Variants in CCSER2 observed in about 807,000 individuals in gnomAD.
The protein encoded by CCSER2 is serine-rich coiled-coil domain-containing protein 2.
Under a neutral mutation model 92.3 loss-of-function variants are expected in CCSER2, and 46 were observed. That is an observed-to-expected ratio of 0.50 (90% CI 0.39 to 0.64). CCSER2 has a LOEUF of 0.64. CCSER2 is among the 30% of genes least tolerant of loss of function. The probability of loss-of-function intolerance (pLI) is 0.00; values close to 1 mark genes in which losing one functional copy is unlikely to be tolerated. For missense variants in CCSER2, 1,244 were observed against 1,238.9 expected, an observed-to-expected ratio of 1.00 and a Z score of -0.06; for synonymous variants, 433 against 431.4, an observed-to-expected ratio of 1.00 and a Z score of -0.04.
At chr10:84,402,857 C>T (rs1326204751) in intron 3 of CCSER2, among the ~76,000 whole-genome samples, 2 of 152,128 alleles carry the variant, frequency 1.3e-5, no homozygotes, top group Non-Finnish European at 2.9e-5. Context: ...ACGTGGAAGA[C>T]TCAACATATT....
At chr10:84,501,601 G>C (rs4934022) in intron 9 of CCSER2, among the ~76,000 whole-genome samples, 7,017 of 150,616 alleles carry the variant, frequency 0.047, 238 homozygotes, top group East Asian at 0.16. Flanking sequence ...TTGATTCAGT[G>C]GCTCTCCATT....
At chr10:84,500,054 T>C in intron 9 of CCSER2, 1 of 1,565,360 alleles carries the variant, frequency 6.4e-7, no homozygotes, top group Non-Finnish European at 8.7e-7. Context: ...CCTCCTTTTC[T>C]ATCCTGAGTG....
chr10:84,329,178 ATTTT>A (rs926932500), intron 1 of CCSER2, among the ~76,000 whole-genome samples: 2 of 150,316 alleles, frequency 1.3e-5, no homozygotes, highest in African/African-American at 2.4e-5. Flanking sequence ...AATGAGTTCG[ATTTT>A]TTTTTTCTTT....
At chr10:84,491,506 A>AG in intron 9 of CCSER2, among the ~76,000 whole-genome samples, 1 of 152,306 alleles carries the variant, frequency 6.6e-6, no homozygotes, top group East Asian at 1.9e-4. Flanking sequence ...GCTAGCAATG[A>AG]GGGAGGATCC....
intron 3 of CCSER2, chr10:84,393,906 G>C (rs1841672552): frequency 6.6e-6 from 1 of 152,168 alleles, no homozygotes; most frequent in Non-Finnish European, 1.5e-5. Context: ...CCTAATGTAG[G>C]TAAATAGAAA....
At chr10:84,418,815 A>G (rs898142480) in intron 4 of CCSER2, among the ~76,000 whole-genome samples, 3 of 152,158 alleles carry the variant, frequency 2.0e-5, no homozygotes, top group South Asian at 4.1e-4. Flanking sequence ...TTCAAAATAA[A>G]CGTGTATTTT....
chr10:84,446,925 G>T (rs1844955221), intron 6 of CCSER2, among the ~76,000 whole-genome samples: 1 of 151,248 alleles, frequency 6.6e-6, no homozygotes, highest in Admixed American at 6.6e-5. Flanking sequence ...TTCATGTTTG[G>T]CTCTACTTCA....
At chr10:84,370,818 A>T (rs886544757) in intron 1 of CCSER2, among the ~76,000 whole-genome samples, 196 bp from the exon 2 acceptor site, 4 of 152,164 alleles carry the variant, frequency 2.6e-5, no homozygotes, top group Non-Finnish European at 2.9e-5. Context: ...AAGTTTATAA[A>T]AATGTTCTTT....
intron 6 of CCSER2, among the ~76,000 whole-genome samples, chr10:84,444,727 G>T (rs1161188418): frequency 2.0e-5 from 3 of 152,122 alleles, no homozygotes; most frequent in Non-Finnish European, 4.4e-5. Context: ...AAATAGTACT[G>T]TTTAAGAGTT....
rs1167460274 is a variant in CCSER2, at chr10:84,501,834, A to AAAATATATAT, written c.2326-11614_2326-11613insAATATATATA. On this transcript the variant is annotated intron_variant, in intron 9 of 9. Transcript: ENST00000372088. ...TTAGTCATCTAGGGAAAAAAAAAAA[A>AAAATATATAT]ATATATATATATATATATATATATA... Among the ~76,000 whole-genome samples the AAAATATATAT allele has an allele frequency of 8.5e-4, 34 of 40,088 alleles. 1 individual carries two copies. Among genetic ancestry groups the AAAATATATAT allele is most frequent in the Non-Finnish European group, 2.0e-3 (25 of 12,234 alleles). 26.3% of individuals were successfully genotyped at this position (40,088 alleles called of 152,430 possible). A position where few individuals can be genotyped will look rare whatever the true frequency, so the allele number is the denominator to read the frequency against.
In CCSER2 at chr10:84,475,002, C is replaced by T. The variant is rs561790137; in HGVS notation, c.2236-2573C>T. The stretch of plus-strand genomic sequence containing the variant: ...ATCAGCTTTTTTGGAATCCTGTTGG[C>T]TGTCCATTCATGGTCACAAGATGTC... On this transcript the variant is annotated intron_variant, in intron 8 of 9. Coordinates refer to ENST00000372088, the MANE Select transcript of CCSER2 (RefSeq NM_001284240.2). Among the ~76,000 whole-genome samples the T allele has an allele frequency of 7.9e-5, 12 of 152,324 alleles. No individual in the cohort carries two copies. The South Asian group carries it at 2.5e-3, about 32-fold the overall frequency.
chr10:84,421,747 AG>A (rs1295291775), intron 4 of CCSER2, among the ~76,000 whole-genome samples: 1 of 152,232 alleles, frequency 6.6e-6, no homozygotes, highest in East Asian at 1.9e-4. Flanking sequence ...TAACAAAAAA[AG>A]TGGAACACAT....
At chr10:84,396,004 C>G (rs1841810260) in intron 3 of CCSER2, among the ~76,000 whole-genome samples, 1 of 152,094 alleles carries the variant, frequency 6.6e-6, no homozygotes, top group Non-Finnish European at 1.5e-5. Context: ...CACTTCTCTT[C>G]TATATTTATT....
At chr10:84,477,700 A>G (rs377110799) in intron 9 of CCSER2, 36 bp downstream of exon 9, 37 of 1,119,670 alleles carry the variant, frequency 3.3e-5, no homozygotes, top group Non-Finnish European at 4.8e-5. Context: ...CTCTCCAGTC[A>G]TTTGCTATTT....
intron 9 of CCSER2, among the ~76,000 whole-genome samples, chr10:84,502,126 G>C (rs1488905723): frequency 6.6e-6 from 1 of 150,502 alleles, no homozygotes; most frequent in Non-Finnish European, 1.5e-5. Context: ...TTTTTTTTTA[G>C]TTATAAAATA....
chr10:84,391,568 G>A, intron 3 of CCSER2: 1 of 1,499,044 alleles, frequency 6.7e-7, no homozygotes. Flanking sequence ...CACATAGGCA[G>A]TTGGAGAAAT....
At chr10:84,504,242 A>C (rs1042114122) in intron 9 of CCSER2, among the ~76,000 whole-genome samples, 14 of 152,190 alleles carry the variant, frequency 9.2e-5, no homozygotes, top group African/African-American at 3.1e-4. Context: ...TATGAAGGCT[A>C]AGAAGTGTAG....
intron 9 of CCSER2, among the ~76,000 whole-genome samples, chr10:84,511,314 G>C (rs1564737519): frequency 6.6e-6 from 1 of 152,106 alleles, no homozygotes; most frequent in Non-Finnish European, 1.5e-5. Context: ...TGGGTACTGT[G>C]AGTAATCAAA....
At position 84,477,010 on chromosome 10, in the gene CCSER2, A is replaced by G. The variant is rs140499109; in HGVS notation, c.2236-565A>G. On this transcript the variant is annotated intron_variant, in intron 8 of 9. Coordinates refer to ENST00000372088, the MANE Select transcript of CCSER2 (RefSeq NM_001284240.2). ...CTGACAAGTGGACTGGTGGTATTCA[A>G]TGTCCAGCAGAGTCCCATTAAAATA... is the stretch of plus-strand genomic sequence containing the variant. Among the ~76,000 whole-genome samples, 388 of 152,294 alleles carry G rather than the reference A, an allele frequency of 2.5e-3. 1 individual carries two copies. Among genetic ancestry groups the G allele is most frequent in the African/African-American group, 8.5e-3 (352 of 41,576 alleles).
Sources: gnomAD v4.1 joint callset for allele counts (sites outside exome capture counted in the v4.1 genomes callset) on GRCh38, gnomAD v4.1.1 for gene constraint, MANE v1.5 for transcripts, NCBI Gene and HGNC (gene_info 2026-07-23, HGNC 2026-07-21) for gene names.